The following RPS6KC1 variants were observed in gnomAD, a reference collection of about 807,000 sequenced individuals.
The protein encoded by RPS6KC1 is ribosomal protein S6 kinase C1, also known as inactive ribosomal protein S6 kinase delta-1.
RPS6KC1 carries 54 observed loss-of-function variants against 103.8 expected under a neutral mutation model. The ratio of observed to expected loss-of-function variants is 0.52; its 90% CI spans 0.42 to 0.65. RPS6KC1 has a LOEUF of 0.65. RPS6KC1 is among the 30% of genes least tolerant of loss of function. The pLI, the probability that RPS6KC1 is intolerant of heterozygous loss-of-function variation, is 0.00. For synonymous variants in RPS6KC1, 439 were observed against 438.7 expected, an observed-to-expected ratio of 1.00 and a Z score of -0.01; for missense variants, 1,151 against 1,253.8, an observed-to-expected ratio of 0.92 and a Z score of 1.24.
At chr1:213,170,169 T>C (rs902987367) in intron 7 of RPS6KC1, among the ~76,000 whole-genome samples, 1 of 152,238 alleles carries the variant, frequency 6.6e-6, no homozygotes, top group African/African-American at 2.4e-5. Flanking sequence ...CCTATACTTA[T>C]TCATGTAATC....
chr1:213,319,672 C>T, the RPS6KC1 span, among the ~76,000 whole-genome samples: 1 of 152,178 alleles, frequency 6.6e-6, no homozygotes, highest in Non-Finnish European at 1.5e-5. Context: ...TTAACTCTTT[C>T]CATCTTGAAA....
At chr1:213,705,447 C>T in the RPS6KC1 span, among the ~76,000 whole-genome samples, 1 of 152,182 alleles carries the variant, frequency 6.6e-6, no homozygotes, top group Admixed American at 6.5e-5. Context: ...ACCAATGTAC[C>T]CTTAAGGCCT....
intron 3 of RPS6KC1, among the ~76,000 whole-genome samples, chr1:213,091,167 C>T (rs974740456): frequency 3.9e-5 from 6 of 151,936 alleles, no homozygotes; most frequent in Non-Finnish European, 8.8e-5. Context: ...ATGCCATTCT[C>T]CTGCCTCAGC....
chr1:213,218,765 C>T (rs867218575), intron 8 of RPS6KC1, among the ~76,000 whole-genome samples: 28 of 151,882 alleles, frequency 1.8e-4, no homozygotes, highest in African/African-American at 2.7e-4. Context: ...AAACAAGCAA[C>T]GGGGAAAGGA....
At chr1:213,797,831 C>T in the RPS6KC1 span, among the ~76,000 whole-genome samples, 1 of 152,142 alleles carries the variant, frequency 6.6e-6, no homozygotes, top group African/African-American at 2.4e-5. Flanking sequence ...AGTCATTTGA[C>T]CCAAGTGCTC....
the RPS6KC1 span, among the ~76,000 whole-genome samples, chr1:213,337,619 T>C: frequency 6.6e-6 from 1 of 152,184 alleles, no homozygotes; most frequent in African/African-American, 2.4e-5. Context: ...TTCCAGTATC[T>C]CATGGTCACT....
At chr1:213,169,208 A>G (rs1326953557) in intron 7 of RPS6KC1, among the ~76,000 whole-genome samples, 2 of 152,062 alleles carry the variant, frequency 1.3e-5, no homozygotes, top group Non-Finnish European at 2.9e-5. Flanking sequence ...TTTTTCCTAC[A>G]CATTTTTATG....
the RPS6KC1 span, among the ~76,000 whole-genome samples, chr1:213,303,850 C>A: frequency 1.7e-4 from 26 of 152,124 alleles, no homozygotes; most frequent in Admixed American, 2.6e-4. Flanking sequence ...AATAAAACAT[C>A]CCCTCAATAG....
chr1:213,561,454 G>T, the RPS6KC1 span, among the ~76,000 whole-genome samples: 1 of 152,188 alleles, frequency 6.6e-6, no homozygotes, highest in Admixed American at 6.5e-5. Flanking sequence ...ACCAGAAGCA[G>T]GCTGATATTT....
the RPS6KC1 span, among the ~76,000 whole-genome samples, chr1:213,499,695 G>A: frequency 2.0e-5 from 3 of 151,406 alleles, no homozygotes; most frequent in African/African-American, 7.4e-5. Flanking sequence ...GGGGGCTGGG[G>A]CCAGTGTGCT....
At chr1:213,101,173 A>C (rs1225510300) in intron 3 of RPS6KC1, among the ~76,000 whole-genome samples, 1 of 152,112 alleles carries the variant, frequency 6.6e-6, no homozygotes, top group Non-Finnish European at 1.5e-5. Flanking sequence ...CATTTTTCTA[A>C]TGATCAGTGA....
the RPS6KC1 span, among the ~76,000 whole-genome samples, chr1:213,500,804 T>C: frequency 2.0e-5 from 3 of 152,274 alleles, no homozygotes; most frequent in African/African-American, 7.2e-5. Context: ...ATATGAACAA[T>C]AAAGTAAAAA....
At chr1:213,479,867 TTTG>T in the RPS6KC1 span, among the ~76,000 whole-genome samples, 1 of 151,924 alleles carries the variant, frequency 6.6e-6, no homozygotes, top group African/African-American at 2.4e-5. Flanking sequence ...CACCTAATGG[TTTG>T]TTATTTCTCT....
At chr1:213,440,401 G>A in the RPS6KC1 span, among the ~76,000 whole-genome samples, 1 of 152,138 alleles carries the variant, frequency 6.6e-6, no homozygotes. Flanking sequence ...CCTAGTTTGA[G>A]AACTTTGTAA....
chr1:213,327,236 A>AAAAGAAAGAAAG, the RPS6KC1 span, among the ~76,000 whole-genome samples: 48,307 of 144,386 alleles, frequency 0.33, 10,042 homozygotes, highest in East Asian at 0.71. Flanking sequence ...GAAAGAAAAG[A>AAAAGAAAGAAAG]AAAGAAAGAA....
the RPS6KC1 span, among the ~76,000 whole-genome samples, chr1:213,426,806 G>A: frequency 1.1e-3 from 162 of 152,276 alleles, no homozygotes; most frequent in African/African-American, 3.7e-3. Flanking sequence ...AGACTCTGTG[G>A]TAGCTAATAC....
the RPS6KC1 span, among the ~76,000 whole-genome samples, chr1:213,658,670 TAAATC>T: frequency 2.6e-5 from 4 of 152,186 alleles, no homozygotes; most frequent in Non-Finnish European, 4.4e-5. Context: ...AGCAATAAAA[TAAATC>T]AAACGTTATT....
At chr1:213,354,944 G>A in the RPS6KC1 span, among the ~76,000 whole-genome samples, 1 of 152,224 alleles carries the variant, frequency 6.6e-6, no homozygotes, top group African/African-American at 2.4e-5. Flanking sequence ...CAGGCTGGGT[G>A]CAGTGGCTCA....
chr1:213,122,486 CAT>C (rs1313819663), intron 5 of RPS6KC1, among the ~76,000 whole-genome samples: 2 of 152,136 alleles, frequency 1.3e-5, no homozygotes, highest in African/African-American at 4.8e-5. Flanking sequence ...ATATTTGTCA[CAT>C]GATTGGTTAC....
Sources: gnomAD v4.1 joint callset for allele counts (sites outside exome capture counted in the v4.1 genomes callset) on GRCh38, gnomAD v4.1.1 for gene constraint, MANE v1.5 for transcripts, NCBI Gene and HGNC (gene_info 2026-07-23, HGNC 2026-07-21) for gene names.